The following FBXO28 variants were observed in gnomAD, a reference collection of about 807,000 sequenced individuals.
The protein encoded by FBXO28 is F-box protein 28.
Under a neutral mutation model 38.1 loss-of-function variants are expected in FBXO28, and 8 were observed. The observed-to-expected ratio is 0.21, with a 90% CI of 0.12 to 0.38. The LOEUF (loss-of-function observed/expected upper bound fraction) is 0.38. Ranked by LOEUF, FBXO28 falls within the 10% of genes least tolerant of loss-of-function variation. FBXO28 has a pLI of 1.00. For synonymous variants in FBXO28, 168 were observed against 173.8 expected, an observed-to-expected ratio of 0.97 and a Z score of 0.26; for missense variants, 345 against 460.6, an observed-to-expected ratio of 0.75 and a Z score of 2.30.
At chr1:224,130,043 C>G (rs1657000470) in intron 1 of FBXO28, among the ~76,000 whole-genome samples, 1 of 150,700 alleles carries the variant, frequency 6.6e-6, no homozygotes, top group Non-Finnish European at 1.5e-5. Flanking sequence ...GATACTGAAT[C>G]AGAGTTACAT....
rs67458349 is a variant in FBXO28 at position 224,119,135 on chromosome 1, C to CTTTTTTTTTTTTT, written c.267+4745_267+4757dup. 1.7e-3 allele frequency among the ~76,000 whole-genome samples: 189 copies of CTTTTTTTTTTTTT among 109,870 alleles called. 2 individuals are homozygous for CTTTTTTTTTTTTT. Among genetic ancestry groups the CTTTTTTTTTTTTT allele is most frequent in the African/African-American group, 2.0e-3 (57 of 28,962 alleles). The allele number at this position is 109,870 out of a possible 152,430, so 72.1% of individuals were successfully genotyped here. Reference sequence around the variant, plus strand: ...CTCTTGCTGATTTTTTCTTTTTTTTCTTTTTTTTTTTTTTTTTTGACGGAA... The same window carrying CTTTTTTTTTTTTT: ...CTCTTGCTGATTTTTTCTTTTTTTTCTTTTTTTTTTTTTTTTTTTTTTTTTTTTTTTGACGGAA... On this transcript the variant is annotated intron_variant, in intron 1 of 4. Coordinates refer to ENST00000366862, the MANE Select transcript of FBXO28 (RefSeq NM_015176.4).
At chr1:224,147,366 T>C (rs1471370586) in intron 3 of FBXO28, among the ~76,000 whole-genome samples, 2 of 147,248 alleles carry the variant, frequency 1.4e-5, no homozygotes, top group East Asian at 4.0e-4. Context: ...GAGGTTGCAG[T>C]GAGCCGAGAT....
chr1:224,125,338 C>T (rs1415797868), intron 1 of FBXO28, among the ~76,000 whole-genome samples: 1 of 152,052 alleles, frequency 6.6e-6, no homozygotes, highest in South Asian at 2.1e-4. Context: ...TCTAATTTGT[C>T]CATCTTTGTG....
intron 3 of FBXO28, among the ~76,000 whole-genome samples, chr1:224,145,986 T>A (rs1657494400): frequency 1.3e-5 from 2 of 150,844 alleles, no homozygotes; most frequent in Non-Finnish European, 3.0e-5. Flanking sequence ...GAACTGCTTG[T>A]ATCCGGGAGG....
At chr1:224,142,811 T>C (rs1336781156) in intron 3 of FBXO28, among the ~76,000 whole-genome samples, 1 of 151,992 alleles carries the variant, frequency 6.6e-6, no homozygotes, top group Non-Finnish European at 1.5e-5. Flanking sequence ...CCAGGCATGG[T>C]GGTGCGTGCC....
chr1:224,141,269 G>A (rs956236700), intron 3 of FBXO28, among the ~76,000 whole-genome samples: 1 of 150,548 alleles, frequency 6.6e-6, no homozygotes, highest in African/African-American at 2.5e-5. Flanking sequence ...TCAGGAGATG[G>A]AGACCATCCT....
At chr1:224,126,140 C>A (rs1656898097) in intron 1 of FBXO28, among the ~76,000 whole-genome samples, 1 of 152,156 alleles carries the variant, frequency 6.6e-6, no homozygotes, top group African/African-American at 2.4e-5. Context: ...TAATTCAAAT[C>A]TTTTGTCATG....
chr1:224,117,119 G>A (rs911836790), intron 1 of FBXO28, among the ~76,000 whole-genome samples: 3 of 151,874 alleles, frequency 2.0e-5, no homozygotes, highest in Non-Finnish European at 2.9e-5. Context: ...GTTGCACAAC[G>A]TGAGCCGAGA....
At chr1:224,138,108 G>C (rs1261218733) in intron 3 of FBXO28, among the ~76,000 whole-genome samples, 1 of 151,528 alleles carries the variant, frequency 6.6e-6, no homozygotes, top group Non-Finnish European at 1.5e-5. Context: ...GGCACCTATA[G>C]TCCCAGCTAC....
At position 224,153,253 on chromosome 1, in the gene FBXO28, T is replaced by A; in HGVS notation, c.628T>A (p.Tyr210Asn). The change falls in exon 4 of 5, where the codon TAC becomes AAC. Residue 210 changes from tyrosine to asparagine, a missense_variant. Physicochemically the swap from Tyr to Asn is moderately radical, Grantham distance 143 (BLOSUM62 -2). Transcript: ENST00000366862. Reference sequence around the variant, plus strand: ...GGATATATCCTCTATGGCAATGGAGTACTTTGATGAAAAGATTGTTCCAAT... The same window carrying A: ...GGATATATCCTCTATGGCAATGGAGAACTTTGATGAAAAGATTGTTCCAAT... ...LRDISSMAMEYFDEKIVPILK... is the reference protein window; with the variant it reads ...LRDISSMAMENFDEKIVPILK... 6.2e-7 allele frequency: 1 copy of A among 1,611,538 alleles called. No individual in the cohort carries two copies. The highest frequency in any genetic ancestry group is 8.5e-7 in the Non-Finnish European group (1 of 1,179,066).
chr1:224,159,321 G>C lies in FBXO28; in HGVS notation c.*1575G>C, dbSNP rs1490345292. 2.0e-5 allele frequency: 3 copies of C among 152,450 alleles called. No individual in the cohort carries two copies. Among genetic ancestry groups the C allele is most frequent in the Middle Eastern group, 3.4e-3 (1 of 294 alleles). 9.4% of individuals were successfully genotyped at this position (152,450 alleles called of 1,614,324 possible). ...CTTTTTTATCCGTCCACCGTGACATGGTTATGCATCCTTTAGATTAACCTC... is the reference window on the plus strand; with the variant it reads ...CTTTTTTATCCGTCCACCGTGACATCGTTATGCATCCTTTAGATTAACCTC... On this transcript the variant is annotated 3_prime_UTR_variant, in exon 5 of 5. Coordinates refer to ENST00000366862, the MANE Select transcript of FBXO28 (RefSeq NM_015176.4).
At chr1:224,114,462 G>A in intron 1 of FBXO28, 66 bp downstream of exon 1, 4 of 1,358,524 alleles carry the variant, frequency 2.9e-6, no homozygotes, top group Non-Finnish European at 3.9e-6. Flanking sequence ...TGAGAAGGGA[G>A]CGCGTTCCCC....
At chr1:224,147,508 A>G (rs1166379025) in intron 3 of FBXO28, among the ~76,000 whole-genome samples, 1 of 152,128 alleles carries the variant, frequency 6.6e-6, no homozygotes, top group Non-Finnish European at 1.5e-5. Context: ...TGTAACTACT[A>G]TTTACAAAGC....
intron 3 of FBXO28, among the ~76,000 whole-genome samples, chr1:224,134,944 TC>T (rs1657139024): frequency 6.6e-6 from 1 of 152,210 alleles, no homozygotes; most frequent in South Asian, 2.1e-4. Flanking sequence ...TCTAGTAAAA[TC>T]TGAATGTTCG....
At chr1:224,156,183 C>A (rs1212083462) in intron 4 of FBXO28, among the ~76,000 whole-genome samples, 2 of 152,118 alleles carry the variant, frequency 1.3e-5, no homozygotes, top group East Asian at 3.9e-4. Context: ...TTTTAGAAAA[C>A]CTTCAGTAGA....
At chr1:224,140,391 G>C (rs138392897) in intron 3 of FBXO28, among the ~76,000 whole-genome samples, 10 of 152,296 alleles carry the variant, frequency 6.6e-5, no homozygotes, top group Middle Eastern at 3.4e-3. Flanking sequence ...ATCTGGAACA[G>C]TTCCCTAGGC....
chr1:224,140,413 C>T (rs185604723), intron 3 of FBXO28, among the ~76,000 whole-genome samples: 1 of 152,226 alleles, frequency 6.6e-6, no homozygotes, highest in Non-Finnish European at 1.5e-5. Flanking sequence ...CTCTTTGTGT[C>T]ACTTGATCAT....
intron 3 of FBXO28, among the ~76,000 whole-genome samples, chr1:224,139,029 C>T (rs1386006453): frequency 5.3e-5 from 8 of 151,592 alleles, no homozygotes; most frequent in South Asian, 2.1e-4. Context: ...GTGATGCGCC[C>T]ACCTTAGCCT....
At chr1:224,132,217 A>T (rs1003484109) in intron 2 of FBXO28, among the ~76,000 whole-genome samples, 1 of 152,030 alleles carries the variant, frequency 6.6e-6, no homozygotes, top group Non-Finnish European at 1.5e-5. Flanking sequence ...GCGCCACAGC[A>T]CTCCAATCTG....
Sources: allele counts gnomAD v4.1 joint callset (sites outside exome capture counted in the v4.1 genomes callset), GRCh38; gene constraint gnomAD v4.1.1; transcripts MANE v1.5; gene names NCBI Gene and HGNC (gene_info 2026-07-23, HGNC 2026-07-21).